XYLB: variants seen among roughly 807,000 people sequenced by gnomAD.
XYLB encodes the protein xylulokinase.
XYLB carries 62 observed loss-of-function variants against 78.7 expected under a neutral mutation model. The observed-to-expected ratio is 0.79, with a 90% CI of 0.64 to 0.97. XYLB has a LOEUF of 0.97. Among genes scored for constraint, XYLB ranks in the 50% least tolerant of loss-of-function variants. The pLI is 0.00. For missense variants in XYLB, 687 were observed against 676.8 expected (o/e 1.02, Z -0.17); for synonymous variants, 245 against 247.4 (o/e 0.99, Z 0.09).
chr3:38,347,730 G>C (rs1429743897), intron 1 of XYLB, among the ~76,000 whole-genome samples: 5 of 152,134 alleles, frequency 3.3e-5, no homozygotes, highest in Non-Finnish European at 4.4e-5. Context: ...ACTTTACCCT[G>C]TGACCGCCCT....
In XYLB at chr3:38,365,700, G is replaced by C. The variant is rs1706219085; in HGVS notation, c.471G>C (p.Gln157His). 11 of 1,613,776 alleles carry C rather than the reference G, an allele frequency of 6.8e-6. No homozygotes were observed. Among genetic ancestry groups the C allele is most frequent in the Non-Finnish European group, 7.6e-6 (9 of 1,179,948 alleles). ...RQLEAAVGGA[Q>H]ALSCLTGSRA... ...TGGAGGCTGCTGTGGGTGGTGCTCAGGCTCTCAGCTGCCTCACGGGGTCCC... is the reference window on the plus strand; with the variant it reads ...TGGAGGCTGCTGTGGGTGGTGCTCACGCTCTCAGCTGCCTCACGGGGTCCC... Residue 157 changes from glutamine (Q) to histidine (H), a missense_variant, in exon 6 of 19, where the codon CAG becomes CAC. Gln to His is a conservative substitution (Grantham distance 24). Transcript: ENST00000207870.
the XYLB span, among the ~76,000 whole-genome samples, chr3:38,432,725 C>G: frequency 6.6e-6 from 1 of 152,260 alleles, no homozygotes; most frequent in Non-Finnish European, 1.5e-5. Context: ...GAAATAATCT[C>G]CTTTGACTCT....
At chr3:38,385,447 A>G (rs1707342083) in intron 15 of XYLB, among the ~76,000 whole-genome samples, 1 of 151,948 alleles carries the variant, frequency 6.6e-6, no homozygotes, top group Admixed American at 6.6e-5. Flanking sequence ...TTATCTTTTT[A>G]AATGCTTTCC....
chr3:38,370,516 T>C (rs547322805), intron 9 of XYLB, among the ~76,000 whole-genome samples: 19 of 152,264 alleles, frequency 1.2e-4, no homozygotes, highest in Middle Eastern at 6.8e-3. Flanking sequence ...GGACTACTGA[T>C]GAAGCTTGAA....
chr3:38,403,322 T>C (rs1003082280), intron 18 of XYLB, among the ~76,000 whole-genome samples: 3 of 151,926 alleles, frequency 2.0e-5, no homozygotes, highest in Non-Finnish European at 2.9e-5. Flanking sequence ...TAATATGATA[T>C]TTTACATTTC....
intron 18 of XYLB, among the ~76,000 whole-genome samples, chr3:38,404,559 G>A (rs1402259115): frequency 6.6e-6 from 1 of 152,194 alleles, no homozygotes; most frequent in Non-Finnish European, 1.5e-5. Context: ...ACTCACTCCT[G>A]TAATCCCAGC....
intron 18 of XYLB, among the ~76,000 whole-genome samples, chr3:38,412,017 G>T (rs2125680009): frequency 6.8e-6 from 1 of 147,970 alleles, no homozygotes; most frequent in East Asian, 2.0e-4. Context: ...TTGAGACAGA[G>T]TCTTGCTCTG....
At chr3:38,366,987 C>A in intron 7 of XYLB, 114 bp downstream of exon 7, 1 of 697,566 alleles carries the variant, frequency 1.4e-6, no homozygotes, top group Non-Finnish European at 2.5e-6. Flanking sequence ...CAGACATTAA[C>A]AAATGATATA....
Position 38,375,675 on chromosome 3 carries a change from C to T in XYLB, c.1004+416C>T, listed in dbSNP as rs140450015. Among the ~76,000 whole-genome samples, 61 of 152,304 alleles carry T rather than the reference C, an allele frequency of 4.0e-4. 5 individuals are homozygous for T. The East Asian group carries it at 0.012, about 29-fold the overall frequency. On this transcript the variant is annotated intron_variant, in intron 12 of 18. Transcript: ENST00000207870. Reference sequence around the variant, plus strand: ...GGACATCCTGCCTCCCGACGGCTCTCATGGAAGGGACATGCTCTGTGCTCT... The same window carrying T: ...GGACATCCTGCCTCCCGACGGCTCTTATGGAAGGGACATGCTCTGTGCTCT...
At chr3:38,405,579 G>A (rs1708283144) in intron 18 of XYLB, among the ~76,000 whole-genome samples, 1 of 152,218 alleles carries the variant, frequency 6.6e-6, no homozygotes, top group African/African-American at 2.4e-5. Context: ...AGCAGGGCGA[G>A]GCATTGCCTC....
At chr3:38,362,733 A>G (rs762470522) in intron 3 of XYLB, among the ~76,000 whole-genome samples, 1 of 152,226 alleles carries the variant, frequency 6.6e-6, no homozygotes, top group Non-Finnish European at 1.5e-5. Context: ...AAATATTTTT[A>G]GCATAGTTGA....
intron 17 of XYLB, among the ~76,000 whole-genome samples, chr3:38,400,576 G>A (rs1575529159): frequency 6.6e-6 from 1 of 152,176 alleles, no homozygotes; most frequent in Non-Finnish European, 1.5e-5. Context: ...ATCATATGTC[G>A]AGGTTACCCG....
At chr3:38,390,012 T>C (rs2125634852) in intron 15 of XYLB, among the ~76,000 whole-genome samples, 1 of 152,294 alleles carries the variant, frequency 6.6e-6, no homozygotes, top group African/African-American at 2.4e-5. Flanking sequence ...CATTCTGGAA[T>C]TTATTTTATT....
chr3:38,439,228 C>T, the XYLB span, among the ~76,000 whole-genome samples: 1 of 152,162 alleles, frequency 6.6e-6, no homozygotes, highest in South Asian at 2.1e-4. Context: ...CAGAGGGGAA[C>T]TCTAGGCCAG....
At chr3:38,384,976 A>C (rs1707319306) in intron 15 of XYLB, among the ~76,000 whole-genome samples, 1 of 151,928 alleles carries the variant, frequency 6.6e-6, no homozygotes, top group Non-Finnish European at 1.5e-5. Flanking sequence ...GGACATTAAG[A>C]TTATTTCTTG....
At chr3:38,349,575 A>C (rs1423592964) in intron 2 of XYLB, among the ~76,000 whole-genome samples, 3 of 152,178 alleles carry the variant, frequency 2.0e-5, no homozygotes, top group Admixed American at 1.3e-4. Context: ...GTGAGATGTA[A>C]GGGTGGGATT....
In XYLB at chr3:38,396,273, A is replaced by G. The variant is rs141457194; in HGVS notation, c.1350+710A>G. The stretch of plus-strand genomic sequence containing the variant: ...CTCAGGGCAGTGCAGAGGAAGAAGG[A>G]TAAGTGAGGATATGGTCTTGTCTGG... On this transcript the variant is annotated intron_variant, in intron 16 of 18. Coordinates refer to ENST00000207870, the MANE Select transcript of XYLB (RefSeq NM_005108.4). Among the ~76,000 whole-genome samples the G allele has an allele frequency of 1.9e-3, 289 of 152,324 alleles. 1 individual carries two copies. The highest frequency in any genetic ancestry group is 6.5e-3 in the African/African-American group (269 of 41,562).
rs146884889 is a variant in XYLB at position 38,348,559 on chromosome 3, G to A, written c.67G>A (p.Val23Ile). 14 of 1,614,202 alleles carry A rather than the reference G, an allele frequency of 8.7e-6. No homozygotes were observed. Among genetic ancestry groups the A allele is most frequent in the Admixed American group, 3.3e-5 (2 of 60,028 alleles). Reference protein sequence around the residue: ...WDFSTQQVKVVAVDAELNVFY... With the variant: ...WDFSTQQVKVIAVDAELNVFY... ...TTAAAATGCCTTTCAGGTAAAGGTT[G>A]TTGCTGTTGATGCAGAGTTGAATGT... is the stretch of plus-strand genomic sequence containing the variant. Residue 23 changes from valine (V) to isoleucine (I), a missense_variant, in exon 2 of 19, where the codon GTT (valine) becomes ATT (isoleucine). Coordinates refer to ENST00000207870, the MANE Select transcript of XYLB (RefSeq NM_005108.4).
intron 7 of XYLB, among the ~76,000 whole-genome samples, chr3:38,367,373 T>C (rs929313990): frequency 2.6e-5 from 4 of 152,264 alleles, no homozygotes; most frequent in African/African-American, 9.6e-5. Context: ...CCAGCACTTG[T>C]TGCTGCCTGA....
Sources: allele counts gnomAD v4.1 joint callset (sites outside exome capture counted in the v4.1 genomes callset), GRCh38; gene constraint gnomAD v4.1.1; transcripts MANE v1.5; gene names NCBI Gene and HGNC (gene_info 2026-07-23, HGNC 2026-07-21).